The following PYY variants were observed in gnomAD, a reference collection of about 807,000 sequenced individuals.
PYY encodes the protein peptide YY.
In PYY, 12 loss-of-function variants were observed where a neutral mutation model predicts 10.3. The ratio of observed to expected loss-of-function variants is 1.17; its 90% CI spans 0.75 to 1.89. The LOEUF is 1.89. Ranked by LOEUF, PYY falls within the 40% of genes most tolerant of loss-of-function variation. The pLI is 0.00. For missense variants in PYY, 141 were observed against 134.0 expected, an observed-to-expected ratio of 1.05 and a Z score of -0.26; for synonymous variants, 66 against 62.0, an observed-to-expected ratio of 1.06 and a Z score of -0.30.
At chr17:43,998,165 C>T (rs1055016614) in intron 1 of PYY, among the ~76,000 whole-genome samples, 3 of 152,042 alleles carry the variant, frequency 2.0e-5, no homozygotes, top group Non-Finnish European at 4.4e-5. Context: ...TCTCGAACTC[C>T]TGACTTCAGG....
chr17:43,963,813 C>CA (rs34095430), intron 2 of PYY, among the ~76,000 whole-genome samples: 83,448 of 147,368 alleles, frequency 0.57, 24,713 homozygotes, highest in South Asian at 0.73. Context: ...ACCAAAAATA[C>CA]AAAAAAAAAA....
intron 2 of PYY, among the ~76,000 whole-genome samples, chr17:43,963,733 C>T (rs955237353): frequency 2.0e-5 from 3 of 151,568 alleles, no homozygotes; most frequent in East Asian, 1.9e-4. Flanking sequence ...TTTGGGAAGC[C>T]GAGGTGGGTG....
chr17:43,975,959 C>T lies in PYY; in HGVS notation c.-462-9427G>A, dbSNP rs368610258. 3.6e-3 allele frequency among the ~76,000 whole-genome samples: 14 copies of T among 3,882 alleles called. 6 individuals are homozygous for T. The African/African-American group carries it at 0.039, about 11-fold the overall frequency. 2.5% of individuals were successfully genotyped at this position (3,882 alleles called of 152,430 possible). On this transcript the variant is annotated intron_variant, in intron 1 of 6. Coordinates refer to the PYY transcript ENST00000360085. The stretch of plus-strand genomic sequence containing the variant: ...ACATACACGTGTCTACGTACGTGTA[C>T]ATACACGTGTCTACGTACGTGTACA...
At chr17:43,988,901 T>C (rs2048932155) in intron 1 of PYY, among the ~76,000 whole-genome samples, 1 of 151,912 alleles carries the variant, frequency 6.6e-6, no homozygotes, top group African/African-American at 2.4e-5. Flanking sequence ...TAGCTGGGAT[T>C]ACAGGCATGC....
At chr17:43,962,323 T>C (rs2143901940) in intron 2 of PYY, among the ~76,000 whole-genome samples, 1 of 152,344 alleles carries the variant, frequency 6.6e-6, no homozygotes, top group South Asian at 2.1e-4. Flanking sequence ...TCCAGCTTTA[T>C]TGAGGTATCA....
Position 43,987,881 on chromosome 17 carries a change from T to C in PYY, c.-463+16510A>G, listed in dbSNP as rs1312604413. ...GGGGGCAAGGATGGAGAACGAGTGC[T>C]TCGGTAGCAGGGAGGGGCAGAGAGC... On this transcript the variant is annotated intron_variant, in intron 1 of 6. Coordinates refer to the PYY transcript ENST00000360085. This position sits in a 1 kb window ranked among gnomAD's most constrained non-coding sequence, Gnocchi z 4.0. Among the ~76,000 whole-genome samples the C allele has an allele frequency of 6.6e-6, 1 of 152,164 alleles. No individual in the cohort carries two copies. The highest frequency in any genetic ancestry group is 6.5e-5 in the Admixed American group (1 of 15,280).
At chr17:44,003,395 G>T (rs766375191) in intron 1 of PYY, among the ~76,000 whole-genome samples, 1 of 152,028 alleles carries the variant, frequency 6.6e-6, no homozygotes, top group Non-Finnish European at 1.5e-5. Flanking sequence ...GGTGGCTCAC[G>T]CCTGTAATCC....
chr17:43,993,443 A>T (rs1291604344), intron 1 of PYY, among the ~76,000 whole-genome samples: 1 of 142,666 alleles, frequency 7.0e-6, no homozygotes, highest in Non-Finnish European at 1.5e-5. Context: ...TGGGAGACAG[A>T]GCGCAACTCC....
chr17:43,983,906 G>C (rs550678310), intron 1 of PYY, among the ~76,000 whole-genome samples: 1 of 152,354 alleles, frequency 6.6e-6, no homozygotes, highest in African/African-American at 2.4e-5. Flanking sequence ...TGAGTGTTCC[G>C]AGGCGAGCGG....
intron 1 of PYY, among the ~76,000 whole-genome samples, chr17:43,983,406 C>T (rs2048895788): frequency 6.6e-6 from 1 of 152,174 alleles, no homozygotes; most frequent in Non-Finnish European, 1.5e-5. Context: ...CTGATGGAGC[C>T]CCAGCTCTGG....
At chr17:43,979,773 G>A (rs2048870915) in intron 1 of PYY, among the ~76,000 whole-genome samples, 1 of 151,720 alleles carries the variant, frequency 6.6e-6, no homozygotes, top group Non-Finnish European at 1.5e-5. Flanking sequence ...GGGTAGCTAG[G>A]TGAGGCCCAG....
intron 1 of PYY, among the ~76,000 whole-genome samples, chr17:43,979,234 C>A (rs1008345990): frequency 6.6e-6 from 1 of 152,236 alleles, no homozygotes; most frequent in Non-Finnish European, 1.5e-5. Flanking sequence ...GGCCCCATCC[C>A]GAACCTACTG....
At chr17:43,982,587 AG>A (rs1444286770) in intron 1 of PYY, among the ~76,000 whole-genome samples, 1 of 152,140 alleles carries the variant, frequency 6.6e-6, no homozygotes, top group Non-Finnish European at 1.5e-5. Flanking sequence ...TGGTAGAAGC[AG>A]GGGGACTAGC....
chr17:43,998,394 C>T (rs1412044452), intron 1 of PYY, among the ~76,000 whole-genome samples: 1 of 151,970 alleles, frequency 6.6e-6, no homozygotes, highest in Non-Finnish European at 1.5e-5. Context: ...CGTGTCTCTA[C>T]TAAAATGCAA....
At chr17:43,954,931 G>A (rs2048662024), upstream of PYY, among the ~76,000 whole-genome samples, 1 of 152,238 alleles carries the variant, frequency 6.6e-6, no homozygotes, top group African/African-American at 2.4e-5. Context: ...CCATTTTCCA[G>A]ATGAGGAAAC....
At chr17:43,993,982 T>G (rs2048974189) in intron 1 of PYY, among the ~76,000 whole-genome samples, 1 of 151,986 alleles carries the variant, frequency 6.6e-6, no homozygotes, top group South Asian at 2.1e-4. Flanking sequence ...GCCTGCCCAG[T>G]AGCTGGGACT....
chr17:43,955,969 C>T (rs1273830953), upstream of PYY, among the ~76,000 whole-genome samples: 1 of 152,022 alleles, frequency 6.6e-6, no homozygotes, highest in Non-Finnish European at 1.5e-5. Context: ...TGCGGCGGCA[C>T]TAACCATGGT....
chr17:43,972,531 T>TA (rs1292915273), intron 1 of PYY, among the ~76,000 whole-genome samples: 9 of 87,730 alleles, frequency 1.0e-4, no homozygotes, highest in African/African-American at 4.5e-4. Flanking sequence ...TATGTTACTT[T>TA]AAAAAACATT....
chr17:43,957,419 AG>A (rs2048681466), upstream of PYY, among the ~76,000 whole-genome samples: 1 of 152,024 alleles, frequency 6.6e-6, no homozygotes, highest in Non-Finnish European at 1.5e-5. Context: ...GCACTTTGGG[AG>A]GCCAAGGCAG....
Sources: gnomAD v4.1 joint callset for allele counts (sites outside exome capture counted in the v4.1 genomes callset) on GRCh38, gnomAD v4.1.1 for gene constraint, Gnocchi (gnomAD v3.1) non-coding constraint, MANE v1.5 for transcripts, NCBI Gene and HGNC (gene_info 2026-07-23, HGNC 2026-07-21) for gene names.